DUSP10: variants seen among roughly 807,000 people sequenced by gnomAD.
DUSP10 encodes dual specificity protein phosphatase 10.
DUSP10 carries 14 observed loss-of-function variants against 30.8 expected under a neutral mutation model. The observed-to-expected ratio is 0.46, with a 90% CI of 0.30 to 0.71. DUSP10 has a LOEUF of 0.71. DUSP10 is among the 30% of genes least tolerant of loss of function. The probability of loss-of-function intolerance (pLI) is 0.08; values close to 1 mark genes in which losing one functional copy is unlikely to be tolerated. For synonymous variants in DUSP10, 254 were observed against 250.4 expected (o/e 1.01, Z -0.14); for missense variants, 550 against 619.4 (o/e 0.89, Z 1.19).
At chr1:221,736,642 G>T (rs552965511) in intron 2 of DUSP10, among the ~76,000 whole-genome samples, 2 of 152,170 alleles carry the variant, frequency 1.3e-5, no homozygotes, top group Non-Finnish European at 2.9e-5. Context: ...AAAGGATAAC[G>T]AAGGGCATTC....
At chr1:221,707,446 G>A (rs1457510220) in intron 2 of DUSP10, among the ~76,000 whole-genome samples, 3 of 152,218 alleles carry the variant, frequency 2.0e-5, no homozygotes, top group Admixed American at 1.3e-4. Flanking sequence ...TTTTGGATGT[G>A]TGAATGCATG....
At chr1:221,727,515 A>C (rs1571825577) in intron 2 of DUSP10, among the ~76,000 whole-genome samples, 2 of 152,326 alleles carry the variant, frequency 1.3e-5, no homozygotes, top group Admixed American at 1.3e-4. Flanking sequence ...CATCTCTCAC[A>C]ATTCTGTAAC....
intron 2 of DUSP10, among the ~76,000 whole-genome samples, chr1:221,715,537 T>G (rs950236989): frequency 6.6e-6 from 1 of 152,226 alleles, no homozygotes; most frequent in African/African-American, 2.4e-5. Context: ...AATGAATAAC[T>G]AATGTTTGAG....
Position 221,728,726 on chromosome 1 carries a change from T to C in DUSP10, c.811+10208A>G, listed in dbSNP as rs561650620. ...GATAATGAATATAAAGCATAAACAATCAAATACCTTTGGCATTAGAGTCTT... is the reference window on the plus strand; with the variant it reads ...GATAATGAATATAAAGCATAAACAACCAAATACCTTTGGCATTAGAGTCTT... On this transcript the variant is annotated intron_variant, in intron 2 of 3. Coordinates refer to ENST00000366899, the MANE Select transcript of DUSP10 (RefSeq NM_007207.6). Among the ~76,000 whole-genome samples, 13 of 152,326 alleles carry C rather than the reference T, an allele frequency of 8.5e-5. No homozygotes were observed. In the East Asian group the frequency reaches 1.2e-3, roughly 14 times the overall value.
At position 221,702,357 on chromosome 1, in the gene DUSP10, TC is replaced by T; in HGVS notation, c.*54del. On this transcript the variant is annotated 3_prime_UTR_variant, in exon 4 of 4. Coordinates refer to ENST00000366899, the MANE Select transcript of DUSP10 (RefSeq NM_007207.6). The surrounding 1 kb of genome is among the most constrained non-coding windows in gnomAD (Gnocchi z 4.5). ...AAAGAAAAAAAACCAGAATCCATCC[TC>T]CTTCCTCATTGTCTCCTAATGGAGA... 6.5e-7 allele frequency: 1 copy of T among 1,550,184 alleles called. No homozygotes were observed. Among genetic ancestry groups the T allele is most frequent in the Non-Finnish European group, 8.7e-7 (1 of 1,146,364 alleles).
Position 221,706,036 on chromosome 1 carries a change from G to A in DUSP10, c.1183+59C>T. The stretch of plus-strand genomic sequence containing the variant: ...AATAAACCTTGAACTTGATATCAAA[G>A]CAAGAGCTGGAGGGAAAAGGAAGGC... On this transcript the variant is annotated intron_variant, in intron 3 of 3. Transcript: ENST00000366899. The surrounding 1 kb of genome is among the most constrained non-coding windows in gnomAD (Gnocchi z 4.6). 6.4e-7 allele frequency: 1 copy of A among 1,560,426 alleles called. No homozygotes were observed. The highest frequency in any genetic ancestry group is 1.4e-5 in the African/African-American group (1 of 73,288).
At chr1:221,710,075 C>T (rs1487540570) in intron 2 of DUSP10, among the ~76,000 whole-genome samples, 2 of 152,114 alleles carry the variant, frequency 1.3e-5, no homozygotes, top group Admixed American at 1.3e-4. Flanking sequence ...CCTCAGTTTA[C>T]CAATCTATTA....
intron 2 of DUSP10, among the ~76,000 whole-genome samples, chr1:221,720,925 C>T (rs1408290317): frequency 6.6e-6 from 1 of 152,066 alleles, no homozygotes; most frequent in East Asian, 1.9e-4. Context: ...GTTTATTGTT[C>T]TTATTAAAGT....
At chr1:221,712,872 G>T (rs1660982576) in intron 2 of DUSP10, among the ~76,000 whole-genome samples, 2 of 147,670 alleles carry the variant, frequency 1.4e-5, no homozygotes, top group South Asian at 4.4e-4. Context: ...AGTTATTGAA[G>T]TATTCTGGGC....
chr1:221,738,312 G>A (rs76328950), intron 2 of DUSP10, among the ~76,000 whole-genome samples: 3 of 152,210 alleles, frequency 2.0e-5, no homozygotes, highest in East Asian at 1.9e-4. Flanking sequence ...TCATAAAAAC[G>A]TCTCTGTTCC....
intron 3 of DUSP10, among the ~76,000 whole-genome samples, chr1:221,703,064 C>T (rs1375981058): frequency 6.6e-6 from 1 of 151,672 alleles, no homozygotes; most frequent in African/African-American, 2.4e-5. Context: ...TCTCAAATGT[C>T]TTGTTCTCTT....
At chr1:221,734,457 T>C (rs772303104) in intron 2 of DUSP10, among the ~76,000 whole-genome samples, 2 of 152,250 alleles carry the variant, frequency 1.3e-5, no homozygotes, top group Non-Finnish European at 2.9e-5. Context: ...TTTGCCTTTG[T>C]ACTGGCACTA....
At chr1:221,738,906 G>A (rs749237414) in intron 2 of DUSP10, 28 bp downstream of exon 2, 26 of 1,572,680 alleles carry the variant, frequency 1.7e-5, no homozygotes, top group South Asian at 1.2e-4. Context: ...AATCAGGACC[G>A]TGCTTGGGAA....
Position 221,721,909 on chromosome 1 carries a change from C to G in DUSP10, c.812-15443G>C, listed in dbSNP as rs187843471. Among the ~76,000 whole-genome samples, 3 of 152,264 alleles carry G rather than the reference C, an allele frequency of 2.0e-5. No homozygotes were observed. The East Asian group carries it at 5.8e-4, about 29-fold the overall frequency. On this transcript the variant is annotated intron_variant, in intron 2 of 3. Coordinates refer to ENST00000366899, the MANE Select transcript of DUSP10 (RefSeq NM_007207.6). ...ACACAAGCTAAGATCTAGGTGGGCC[C>G]TCTCAAGAGCTTGCTGACCCTCTCA...
intron 1 of DUSP10, among the ~76,000 whole-genome samples, chr1:221,739,990 C>T (rs1229284827): frequency 6.6e-6 from 1 of 152,120 alleles, no homozygotes; most frequent in Non-Finnish European, 1.5e-5. Flanking sequence ...AATTTGGTTG[C>T]TAAGTCTAAG....
intron 2 of DUSP10, among the ~76,000 whole-genome samples, chr1:221,713,463 T>C (rs1218264974): frequency 6.6e-6 from 1 of 152,216 alleles, no homozygotes; most frequent in Non-Finnish European, 1.5e-5. Flanking sequence ...TGGTATATTC[T>C]CTAAAAATAT....
At chr1:221,730,378 T>C (rs2102645795) in intron 2 of DUSP10, among the ~76,000 whole-genome samples, 1 of 152,314 alleles carries the variant, frequency 6.6e-6, no homozygotes, top group East Asian at 1.9e-4. Flanking sequence ...TCGGGCAGTT[T>C]AATCTGTTTA....
intron 2 of DUSP10, among the ~76,000 whole-genome samples, chr1:221,714,629 C>G (rs1222402960): frequency 1.3e-5 from 2 of 152,212 alleles, no homozygotes; most frequent in African/African-American, 4.8e-5. Context: ...GATACTGCCT[C>G]CTCAAGCCAG....
At position 221,706,218 on chromosome 1, in the gene DUSP10, C is replaced by A; in HGVS notation, c.1060G>T (p.Val354Phe). The A allele has an allele frequency of 6.2e-7, 1 of 1,614,072 alleles. No homozygotes were observed. Among genetic ancestry groups the A allele is most frequent in the Non-Finnish European group, 8.5e-7 (1 of 1,180,016 alleles). Reference sequence around the variant, plus strand: ...TGGTAGAGGGGAAGATGAGTGGTGACGTTGATGACGTAGCCGATGTTCAGC... The same window carrying A: ...TGGTAGAGGGGAAGATGAGTGGTGAAGTTGATGACGTAGCCGATGTTCAGC... ...QRLNIGYVIN[V>F]TTHLPLYHYE... Residue 354 changes from valine to phenylalanine, a missense_variant, in exon 3 of 4, where the codon GTC becomes TTC. By Grantham distance (50) the Val-to-Phe change is conservative (BLOSUM62 -1). Transcript: ENST00000366899. The surrounding 1 kb of genome is among the most constrained non-coding windows in gnomAD (Gnocchi z 4.6).
Sources: gnomAD v4.1 joint callset for allele counts (sites outside exome capture counted in the v4.1 genomes callset) on GRCh38, gnomAD v4.1.1 for gene constraint, Gnocchi (gnomAD v3.1) non-coding constraint, MANE v1.5 for transcripts, NCBI Gene and HGNC (gene_info 2026-07-23, HGNC 2026-07-21) for gene names.